The following TENM3 variants were observed in gnomAD, a reference collection of about 807,000 sequenced individuals.
The protein encoded by TENM3 is teneurin-3.
TENM3 carries 63 observed loss-of-function variants against 255.1 expected under a neutral mutation model. That is an observed-to-expected ratio of 0.25 (90% CI 0.20 to 0.30). TENM3 has a LOEUF of 0.30. TENM3 is among the 10% of genes least tolerant of loss of function. The probability of loss-of-function intolerance (pLI) is 1.00; values close to 1 mark genes in which losing one functional copy is unlikely to be tolerated. For synonymous variants in TENM3, 1,306 were observed against 1,322.3 expected (o/e 0.99, Z 0.27); for missense variants, 2,929 against 3,461.1 (o/e 0.85, Z 3.86).
chr4:181,694,298 A>T, the TENM3 span, among the ~76,000 whole-genome samples: 2 of 152,308 alleles, frequency 1.3e-5, no homozygotes, highest in Middle Eastern at 6.8e-3. Flanking sequence ...AAAACAACAG[A>T]TTCATTTATT....
the TENM3 span, among the ~76,000 whole-genome samples, chr4:181,997,085 G>T: frequency 6.6e-6 from 1 of 152,196 alleles, no homozygotes; most frequent in Admixed American, 6.5e-5. Context: ...TGGAGAGGCA[G>T]AAGACAACCT....
intron 3 of TENM3, among the ~76,000 whole-genome samples, chr4:182,473,545 T>C (rs569328099): frequency 0.01 from 1,586 of 151,996 alleles, 32 homozygotes; most frequent in African/African-American, 0.036. Flanking sequence ...TGGTGGCGGG[T>C]GCCTGTAGTC....
the TENM3 span, among the ~76,000 whole-genome samples, chr4:181,908,766 G>T: frequency 6.6e-6 from 1 of 152,178 alleles, no homozygotes; most frequent in African/African-American, 2.4e-5. Context: ...GTAAAAGATA[G>T]TGTTACACGG....
At chr4:182,551,649 AC>A (rs1427328102) in intron 3 of TENM3, among the ~76,000 whole-genome samples, 1 of 151,914 alleles carries the variant, frequency 6.6e-6, no homozygotes, top group Non-Finnish European at 1.5e-5. Flanking sequence ...ACTTAATATG[AC>A]CCCCTGTTCA....
intron 22 of TENM3, among the ~76,000 whole-genome samples, chr4:182,772,329 AT>A (rs1312104593): frequency 1.3e-5 from 2 of 152,078 alleles, no homozygotes; most frequent in Non-Finnish European, 2.9e-5. Context: ...TACGATTATG[AT>A]CCCCTGTCAC....
the TENM3 span, among the ~76,000 whole-genome samples, chr4:181,883,615 C>T: frequency 1.3e-5 from 2 of 152,096 alleles, no homozygotes; most frequent in African/African-American, 4.8e-5. Flanking sequence ...GCTGGGACTA[C>T]AGGCGCCCGC....
chr4:182,696,265 A>G (rs999760387), intron 12 of TENM3, among the ~76,000 whole-genome samples: 7 of 152,260 alleles, frequency 4.6e-5, no homozygotes, highest in Non-Finnish European at 7.3e-5. Context: ...AGTTTTATCA[A>G]TAATGAAAAG....
intron 3 of TENM3, among the ~76,000 whole-genome samples, chr4:182,576,138 C>T (rs1227504247): frequency 6.6e-6 from 1 of 152,174 alleles, no homozygotes; most frequent in Non-Finnish European, 1.5e-5. Flanking sequence ...TCTTTCTCTT[C>T]ATCCTGTCAC....
the TENM3 span, among the ~76,000 whole-genome samples, chr4:181,971,935 C>G: frequency 1.3e-5 from 2 of 151,978 alleles, no homozygotes; most frequent in Non-Finnish European, 2.9e-5. Context: ...ATTAATTTGA[C>G]CATAATAATA....
At chr4:181,507,757 T>G in the TENM3 span, among the ~76,000 whole-genome samples, 5 of 152,232 alleles carry the variant, frequency 3.3e-5, no homozygotes, top group African/African-American at 1.2e-4. Context: ...AACAATCAGT[T>G]GCAGATAAAA....
the TENM3 span, among the ~76,000 whole-genome samples, chr4:181,712,306 C>T: frequency 6.6e-6 from 1 of 152,060 alleles, no homozygotes; most frequent in East Asian, 1.9e-4. Flanking sequence ...GGGGTGGATC[C>T]TTCATAAATG....
chr4:182,047,969 G>C, the TENM3 span, among the ~76,000 whole-genome samples: 1 of 152,100 alleles, frequency 6.6e-6, no homozygotes. Context: ...TCGATTCCCC[G>C]CAGTGGCCCC....
At chr4:182,478,213 C>G (rs1409773945) in intron 3 of TENM3, among the ~76,000 whole-genome samples, 1 of 151,818 alleles carries the variant, frequency 6.6e-6, no homozygotes, top group Non-Finnish European at 1.5e-5. Flanking sequence ...TCATACTACT[C>G]TCATTCTTTA....
At chr4:182,525,938 C>A (rs1365314858) in intron 3 of TENM3, among the ~76,000 whole-genome samples, 1 of 152,204 alleles carries the variant, frequency 6.6e-6, no homozygotes, top group Non-Finnish European at 1.5e-5. Flanking sequence ...CAATGCCTGA[C>A]ACAGGTTTTC....
At chr4:182,015,167 T>C in the TENM3 span, among the ~76,000 whole-genome samples, 1 of 152,212 alleles carries the variant, frequency 6.6e-6, no homozygotes, top group Non-Finnish European at 1.5e-5. Context: ...CGTCACAGCC[T>C]GAGCGGATGG....
the TENM3 span, among the ~76,000 whole-genome samples, chr4:181,782,831 C>T: frequency 6.6e-6 from 1 of 152,146 alleles, no homozygotes; most frequent in African/African-American, 2.4e-5. Context: ...TCTTTGTTCT[C>T]ATTGGTTTCA....
At chr4:181,804,452 A>C in the TENM3 span, among the ~76,000 whole-genome samples, 1 of 152,232 alleles carries the variant, frequency 6.6e-6, no homozygotes, top group East Asian at 1.9e-4. Context: ...AAAAAATGTG[A>C]TAAATATATG....
At chr4:182,121,524 A>T in the TENM3 span, among the ~76,000 whole-genome samples, 1 of 152,224 alleles carries the variant, frequency 6.6e-6, no homozygotes, top group Non-Finnish European at 1.5e-5. Context: ...ACTGCCATAA[A>T]GCTAATATCA....
chr4:181,576,499 C>T, the TENM3 span, among the ~76,000 whole-genome samples: 2 of 152,134 alleles, frequency 1.3e-5, no homozygotes, highest in South Asian at 2.1e-4. Context: ...GAAACCTCCA[C>T]GCTGTGCTCC....
Sources: gnomAD v4.1 joint callset for allele counts (sites outside exome capture counted in the v4.1 genomes callset) on GRCh38, gnomAD v4.1.1 for gene constraint, MANE v1.5 for transcripts, NCBI Gene and HGNC (gene_info 2026-07-23, HGNC 2026-07-21) for gene names.